PRKDC: variants seen among roughly 807,000 people sequenced by gnomAD.
PRKDC encodes protein kinase, DNA-activated, catalytic subunit.
Under a neutral mutation model 486.9 loss-of-function variants are expected in PRKDC, and 82 were observed. That is an observed-to-expected ratio of 0.17 (90% CI 0.14 to 0.20). The LOEUF (loss-of-function observed/expected upper bound fraction) is 0.20, where lower values mean the gene tolerates loss of function less well. PRKDC is among the 10% of genes least tolerant of loss of function. PRKDC has a pLI of 1.00. For missense variants in PRKDC, 4,504 were observed against 5,038.2 expected (o/e 0.89, Z 3.21); for synonymous variants, 1,895 against 1,837.0 (o/e 1.03, Z -0.81).
At position 47,918,306 on chromosome 8, in the gene PRKDC, G is replaced by A; in HGVS notation, c.2497C>T (p.His833Tyr). The change falls in exon 22 of 86, where the codon CAT (histidine) becomes TAT (tyrosine). Residue 833 changes from histidine (H) to tyrosine (Y), a missense_variant. Physicochemically the swap from His to Tyr is moderately conservative, Grantham distance 83. Coordinates refer to ENST00000314191, the MANE Select transcript of PRKDC (RefSeq NM_006904.7). ...GAAAGGTTCTTTGTCTTCTTCAGAT[G>A]CTTTAACACCACTTTATTAAATCCT... is the stretch of plus-strand genomic sequence containing the variant. ...QKGFNKVVLK[H>Y]LKKTKNLSSN... The A allele has an allele frequency of 6.3e-7, 1 of 1,590,584 alleles. No homozygotes were observed. The highest frequency in any genetic ancestry group is 1.7e-4 in the Middle Eastern group (1 of 6,022).
In PRKDC at chr8:47,773,841, C is replaced by T. The variant is rs1446317584; in HGVS notation, c.*332G>A. The T allele has an allele frequency of 1.2e-5, 3 of 254,356 alleles. No homozygotes were observed. The highest frequency in any genetic ancestry group is 7.6e-6 in the Non-Finnish European group (1 of 132,050). The allele number at this position is 254,356 out of a possible 1,614,324, so 15.8% of individuals were successfully genotyped here. On this transcript the variant is annotated 3_prime_UTR_variant, in exon 86 of 86. Coordinates refer to ENST00000314191, the MANE Select transcript of PRKDC (RefSeq NM_006904.7). ...GGCTTCCCCACATTTCCTCCATTTA[C>T]GGAGACAGCTGTTTCACTAACTTGC...
At chr8:47,903,527 A>C (rs1248934968) in intron 26 of PRKDC, among the ~76,000 whole-genome samples, 1 of 152,220 alleles carries the variant, frequency 6.6e-6, no homozygotes, top group African/African-American at 2.4e-5. Context: ...AGCCATGGTA[A>C]TGGGAGGAGA....
At chr8:47,932,069 T>TTTTG (rs376630854) in intron 16 of PRKDC, among the ~76,000 whole-genome samples, 214 of 149,852 alleles carry the variant, frequency 1.4e-3, no homozygotes, top group Admixed American at 3.5e-3. Context: ...TTTTTTTGTA[T>TTTTG]TTTGTTTGTT....
chr8:47,903,411 G>C (rs541831049), intron 26 of PRKDC, among the ~76,000 whole-genome samples: 1 of 152,156 alleles, frequency 6.6e-6, no homozygotes, highest in Non-Finnish European at 1.5e-5. Flanking sequence ...ACTTGAAAAC[G>C]TACACTCAAC....
At chr8:47,842,890 G>A (rs1321703009) in intron 54 of PRKDC, among the ~76,000 whole-genome samples, 5 of 152,184 alleles carry the variant, frequency 3.3e-5, no homozygotes, top group African/African-American at 4.8e-5. Flanking sequence ...CAAGCCAGGC[G>A]TGGTGGATCA....
At chr8:47,881,611 G>A (rs2089219253) in intron 37 of PRKDC, 91 bp from the exon 38 acceptor site, 1 of 707,520 alleles carries the variant, frequency 1.4e-6, no homozygotes, top group Non-Finnish European at 2.3e-6. Context: ...TTCCAGAAAT[G>A]AATTGTTAAT....
At chr8:47,929,231 T>C (rs1258149579) in intron 18 of PRKDC, 53 bp from the exon 19 acceptor site, 1 of 1,262,184 alleles carries the variant, frequency 7.9e-7, no homozygotes, top group African/African-American at 1.5e-5. Flanking sequence ...GGAGACTGTA[T>C]CCCAATCCAG....
At position 47,839,133 on chromosome 8, in the gene PRKDC, C is replaced by T; in HGVS notation, c.7553+15G>A. On this transcript the variant is annotated intron_variant, in intron 56 of 85. Coordinates refer to ENST00000314191, the MANE Select transcript of PRKDC (RefSeq NM_006904.7). Reference sequence around the variant, plus strand: ...CCCTTAACATTTAATTGTCCCAGCCCAGTTATTCACGTACTGAAGTCCAGG... The same window carrying T: ...CCCTTAACATTTAATTGTCCCAGCCTAGTTATTCACGTACTGAAGTCCAGG... 6.3e-7 allele frequency: 1 copy of T among 1,588,068 alleles called. No individual in the cohort carries two copies. Among genetic ancestry groups the T allele is most frequent in the Non-Finnish European group, 8.6e-7 (1 of 1,156,464 alleles).
Position 47,957,355 on chromosome 8 carries a change from T to C in PRKDC, c.231A>G (p.Glu77=). ...VFVRKSLNSI[E]FRECREEILK... Reference sequence around the variant, plus strand: ...AGCAAAACCAAAATTGTCAACTTACTTCAATACTGTTGAGTGACTTCCGGA... The same window carrying C: ...AGCAAAACCAAAATTGTCAACTTACCTCAATACTGTTGAGTGACTTCCGGA... The change falls in exon 2 of 86, where the codon GAA becomes GAG. Residue 77 remains glutamate, a splice_region_variant and synonymous_variant. Transcript: ENST00000314191. The C allele has an allele frequency of 6.3e-7, 1 of 1,596,872 alleles. No individual in the cohort carries two copies. The highest frequency in any genetic ancestry group is 8.5e-7 in the Non-Finnish European group (1 of 1,170,888).
intron 5 of PRKDC, among the ~76,000 whole-genome samples, 167 bp downstream of exon 5, chr8:47,954,171 G>A (rs1057023398): frequency 6.6e-6 from 1 of 152,104 alleles, no homozygotes; most frequent in African/African-American, 2.4e-5. Flanking sequence ...TTTGTGAAGG[G>A]AAGTCTTCAC....
chr8:47,798,433 T>C (rs1426365035), intron 72 of PRKDC, 36 bp from the exon 73 acceptor site: 2 of 1,529,280 alleles, frequency 1.3e-6, no homozygotes, highest in Non-Finnish European at 1.8e-6. Flanking sequence ...CAATGGTCAA[T>C]GTATCCCAAT....
chr8:47,938,493 T>C (rs2090390955), intron 11 of PRKDC, among the ~76,000 whole-genome samples: 1 of 151,832 alleles, frequency 6.6e-6, no homozygotes, highest in African/African-American at 2.4e-5. Context: ...AAATCAGTTG[T>C]TTTTTCTACA....
chr8:47,898,599 A>G lies in PRKDC; in HGVS notation c.3365-30T>C, dbSNP rs572129563. Reference sequence around the variant, plus strand: ...TCTCAAGTACAGAGACATATTTCCAAAGAAGGCATATATAGCTGATTATTA... The same window carrying G: ...TCTCAAGTACAGAGACATATTTCCAGAGAAGGCATATATAGCTGATTATTA... On this transcript the variant is annotated intron_variant, in intron 28 of 85. Coordinates refer to ENST00000314191, the MANE Select transcript of PRKDC (RefSeq NM_006904.7). 7.9e-6 allele frequency: 10 copies of G among 1,269,138 alleles called. No individual in the cohort carries two copies. The African/African-American group carries it at 1.2e-4, about 15-fold the overall frequency. 78.6% of individuals were successfully genotyped at this position (1,269,138 alleles called of 1,614,324 possible).
intron 7 of PRKDC, among the ~76,000 whole-genome samples, chr8:47,951,775 CAAA>C (rs1451170568): frequency 6.6e-6 from 1 of 152,066 alleles, no homozygotes; most frequent in East Asian, 1.9e-4. Flanking sequence ...AAAAGTCAAA[CAAA>C]CCAATTAACC....
intron 60 of PRKDC, among the ~76,000 whole-genome samples, chr8:47,831,163 C>T (rs1288330518): frequency 6.6e-6 from 1 of 152,138 alleles, no homozygotes; most frequent in African/African-American, 2.4e-5. Flanking sequence ...AAACAGTGCC[C>T]CGGGGGCGCA....
At chr8:47,852,905 A>G in intron 51 of PRKDC, 121 bp from the exon 52 acceptor site, 2 of 677,464 alleles carry the variant, frequency 3.0e-6, no homozygotes, top group Non-Finnish European at 2.5e-6. Context: ...ATCTAAATAT[A>G]GAATGTGATG....
chr8:47,814,154 T>C (rs1266041016), intron 68 of PRKDC, among the ~76,000 whole-genome samples: 1 of 152,198 alleles, frequency 6.6e-6, no homozygotes, highest in Non-Finnish European at 1.5e-5. Flanking sequence ...GCAGAAAAAG[T>C]GTTTGATAAA....
rs2090718714 is a variant in PRKDC at position 47,957,242 on chromosome 8, T to C, written c.253A>G (p.Ile85Val). Residue 85 changes from isoleucine (I) to valine (V), a missense_variant, in exon 3 of 86, where the codon ATC (isoleucine) becomes GTC (valine). Around this residue, in one of 6 missense-constraint regions of PRKDC, gnomAD observed 145 missense variants for 136.3 expected, o/e 1.06. Coordinates refer to ENST00000314191, the MANE Select transcript of PRKDC (RefSeq NM_006904.7). ...AAGAAAATACATAAAAACTTTAGGA[T>C]TTCTTCTCTACATTCACGAAACTGT... Reference protein sequence around the residue: ...SIEFRECREEILKFLCIFLEK... With the variant: ...SIEFRECREEVLKFLCIFLEK... The C allele has an allele frequency of 1.2e-6, 2 of 1,601,114 alleles. No homozygotes were observed. Among genetic ancestry groups the C allele is most frequent in the Admixed American group, 1.7e-5 (1 of 59,814 alleles).
chr8:47,938,391 AC>A (rs1366201619), intron 11 of PRKDC, among the ~76,000 whole-genome samples: 6 of 151,770 alleles, frequency 4.0e-5, no homozygotes. Context: ...AGCCTGGGCA[AC>A]AAAAGCGAAA....
Sources: allele counts gnomAD v4.1 joint callset (sites outside exome capture counted in the v4.1 genomes callset), GRCh38; gene constraint gnomAD v4.1.1; regional missense constraint gnomAD v4.1.1; transcripts MANE v1.5; gene names NCBI Gene and HGNC (gene_info 2026-07-23, HGNC 2026-07-21).